The following ATP2B4 variants were observed in gnomAD, a reference collection of about 807,000 sequenced individuals.
ATP2B4 encodes the protein plasma membrane calcium-transporting ATPase 4.
ATP2B4 carries 39 observed loss-of-function variants against 110.3 expected under a neutral mutation model. The observed-to-expected ratio is 0.35, with a 90% CI of 0.27 to 0.46. ATP2B4 has a LOEUF of 0.46. ATP2B4 is among the 20% of genes least tolerant of loss of function. ATP2B4 has a pLI of 1.00. For synonymous variants in ATP2B4, 538 were observed against 571.7 expected (o/e 0.94, Z 0.84); for missense variants, 1,135 against 1,530.9 (o/e 0.74, Z 4.32).
In ATP2B4 at chr1:203,626,922, A is replaced by C. The variant is rs1295299179; in HGVS notation, c.-762A>C. ...AAAGCTGGGGGCTGGGAGGGGGGGC[A>C]CGAACTTCGTGGGGCACCATCCCTC... is the stretch of plus-strand genomic sequence containing the variant. On this transcript the variant is annotated 5_prime_UTR_variant, in exon 1 of 21. Coordinates refer to ENST00000357681, the MANE Select transcript of ATP2B4 (RefSeq NM_001684.5). The C allele has an allele frequency of 6.6e-6, 1 of 152,372 alleles. No homozygotes were observed. Among genetic ancestry groups the C allele is most frequent in the Non-Finnish European group, 1.5e-5 (1 of 68,162 alleles). The allele number at this position is 152,372 out of a possible 1,614,324, so 9.4% of individuals were successfully genotyped here.
chr1:203,720,862 G>C, intron 16 of ATP2B4, 122 bp downstream of exon 16: 3 of 1,187,134 alleles, frequency 2.5e-6, no homozygotes, highest in Non-Finnish European at 3.5e-6. Flanking sequence ...CATTGGGACA[G>C]GAGTTAGCTC....
intron 14 of ATP2B4, 63 bp downstream of exon 14, chr1:203,713,315 A>G (rs1666065374): frequency 1.3e-6 from 2 of 1,590,494 alleles, no homozygotes; most frequent in Non-Finnish European, 1.7e-6. Flanking sequence ...GAGGACAGAT[A>G]AGAACCACCA....
At chr1:203,674,192 C>T (rs1442614035) in intron 1 of ATP2B4, among the ~76,000 whole-genome samples, 1 of 152,172 alleles carries the variant, frequency 6.6e-6, no homozygotes, top group East Asian at 1.9e-4. Context: ...TCAGGAGAGG[C>T]TGCCAGTACC....
chr1:203,676,435 C>G (rs535897596), intron 1 of ATP2B4, among the ~76,000 whole-genome samples: 1 of 152,260 alleles, frequency 6.6e-6, no homozygotes, highest in East Asian at 1.9e-4. Flanking sequence ...AGAACAGCCT[C>G]TGCCTGAGAT....
chr1:203,633,679 C>T (rs912684738), intron 1 of ATP2B4, among the ~76,000 whole-genome samples: 13 of 150,722 alleles, frequency 8.6e-5, no homozygotes, highest in African/African-American at 3.2e-4. Flanking sequence ...TGCCACTGCA[C>T]TTCCAGTGGG....
chr1:203,733,574 G>T, intron 20 of ATP2B4: 1 of 558,328 alleles, frequency 1.8e-6, no homozygotes, highest in Non-Finnish European at 3.0e-6. Flanking sequence ...GTGTGCCCTT[G>T]TATTTTATTT....
At chr1:203,729,736 T>G (rs1666643359) in intron 20 of ATP2B4, 1 of 1,352,120 alleles carries the variant, frequency 7.4e-7, no homozygotes, top group Non-Finnish European at 9.9e-7. Context: ...CACTTCTCCG[T>G]GTTGCTGGCC....
In ATP2B4 at chr1:203,648,326, G is replaced by T. The variant is rs531867776; in HGVS notation, c.-465+21107G>T. ...AAATCCAAGAATAGCACAAGAAGGGGCAGAGAGAAAGGAAGATCTGGAGGC... is the reference window on the plus strand; with the variant it reads ...AAATCCAAGAATAGCACAAGAAGGGTCAGAGAGAAAGGAAGATCTGGAGGC... On this transcript the variant is annotated intron_variant, in intron 1 of 20. Transcript: ENST00000357681. Among the ~76,000 whole-genome samples, 28 of 152,264 alleles carry T rather than the reference G, an allele frequency of 1.8e-4. No individual in the cohort carries two copies. In the East Asian group the frequency reaches 4.0e-3, roughly 22 times the overall value.
chr1:203,726,248 T>C (rs1336920006), intron 19 of ATP2B4, among the ~76,000 whole-genome samples: 5 of 151,584 alleles, frequency 3.3e-5, no homozygotes, highest in Non-Finnish European at 5.9e-5. Context: ...AAACAAAAAA[T>C]AAAGAGATTG....
Position 203,721,361 on chromosome 1 carries a change from G to A in ATP2B4, c.2763G>A (p.Leu921=). 1 of 1,614,176 alleles carries A rather than the reference G, an allele frequency of 6.2e-7. No homozygotes were observed. Among genetic ancestry groups the A allele is most frequent in the Non-Finnish European group, 8.5e-7 (1 of 1,180,036 alleles). ...CACGCACTATGATGAAGAACATCTT[G>A]GGCCATGCATTCTATCAGCTCATTG... The part of the protein sequence containing the change: ...LISRTMMKNI[L]GHAFYQLIVI... The change falls in exon 17 of 21, where the codon TTG becomes TTA. Residue 921 remains leucine, a synonymous_variant. Coordinates refer to ENST00000357681, the MANE Select transcript of ATP2B4 (RefSeq NM_001684.5).
At chr1:203,656,523 G>A (rs6661843) in intron 1 of ATP2B4, among the ~76,000 whole-genome samples, 3,807 of 152,254 alleles carry the variant, frequency 0.025, 92 homozygotes, top group African/African-American at 0.055. Flanking sequence ...TGAACTTTGC[G>A]TCTTCTCACA....
At chr1:203,658,463 T>C (rs1664232248) in intron 1 of ATP2B4, among the ~76,000 whole-genome samples, 1 of 150,526 alleles carries the variant, frequency 6.6e-6, no homozygotes, top group African/African-American at 2.4e-5. Context: ...CCCAGGAGAT[T>C]CAGTCCGCAG....
At chr1:203,695,902 A>G (rs1665518886) in intron 2 of ATP2B4, among the ~76,000 whole-genome samples, 1 of 152,042 alleles carries the variant, frequency 6.6e-6, no homozygotes, top group Admixed American at 6.6e-5. Context: ...TCCTAACCCA[A>G]ATCTCTCCTT....
intron 2 of ATP2B4, among the ~76,000 whole-genome samples, chr1:203,689,035 T>C (rs934298554): frequency 7.9e-5 from 12 of 152,248 alleles, no homozygotes; most frequent in African/African-American, 2.9e-4. Flanking sequence ...CCTTTTATTG[T>C]CTCTTCTTTC....
chr1:203,669,927 C>G (rs1251330017), intron 1 of ATP2B4, among the ~76,000 whole-genome samples: 1 of 152,200 alleles, frequency 6.6e-6, no homozygotes, highest in Non-Finnish European at 1.5e-5. Flanking sequence ...CACTTTCTCT[C>G]CCCTGAGAGA....
chr1:203,708,241 T>A, intron 10 of ATP2B4, 137 bp downstream of exon 10: 1 of 1,326,016 alleles, frequency 7.5e-7, no homozygotes, highest in Middle Eastern at 1.9e-4. Context: ...GGAGTGAACA[T>A]GTTTGGGTGA....
intron 15 of ATP2B4, among the ~76,000 whole-genome samples, chr1:203,715,669 A>C (rs1571756231): frequency 6.9e-6 from 1 of 144,878 alleles, no homozygotes; most frequent in African/African-American, 2.5e-5. Flanking sequence ...AAAGAATCTT[A>C]ATACCATTAT....
At chr1:203,707,840 T>G (rs775983281) in intron 9 of ATP2B4, 22 bp from the exon 10 acceptor site, 5 of 1,611,190 alleles carry the variant, frequency 3.1e-6, no homozygotes, top group Non-Finnish European at 4.2e-6. Flanking sequence ...CCCTCTCAAG[T>G]CTTTTCTCTT....
Position 203,655,346 on chromosome 1 carries a change from G to C in ATP2B4, c.-464-27396G>C, listed in dbSNP as rs1336766926. On this transcript the variant is annotated intron_variant, in intron 1 of 20. Transcript: ENST00000357681. ...TGCTGTCAAATATCAGTCCTTCATG[G>C]GGATGTAAAAAAAAAGAGGCCAGGC... Among the ~76,000 whole-genome samples the C allele has an allele frequency of 2.7e-4, 5 of 18,862 alleles. No individual in the cohort carries two copies. The Admixed American group carries it at 4.4e-3, about 17-fold the overall frequency. The allele number at this position is 18,862 out of a possible 152,430, so 12.4% of individuals were successfully genotyped here.
Sources: allele counts gnomAD v4.1 joint callset (sites outside exome capture counted in the v4.1 genomes callset), GRCh38; gene constraint gnomAD v4.1.1; transcripts MANE v1.5; gene names NCBI Gene and HGNC (gene_info 2026-07-23, HGNC 2026-07-21).